Variants in GALM observed in about 807,000 individuals in gnomAD.
GALM encodes galactose mutarotase.
Under a neutral mutation model 37.4 loss-of-function variants are expected in GALM, and 43 were observed. That is an observed-to-expected ratio of 1.15 (90% CI 0.90 to 1.48). The LOEUF is 1.48. Ranked by LOEUF, GALM falls within the 40% of genes most tolerant of loss-of-function variation. GALM has a pLI of 0.00. For synonymous variants in GALM, 199 were observed against 170.6 expected (o/e 1.17, Z -1.30); for missense variants, 456 against 419.1 (o/e 1.09, Z -0.77).
At chr2:38,721,154 T>G (rs138442586) in intron 4 of GALM, among the ~76,000 whole-genome samples, 1 of 152,218 alleles carries the variant, frequency 6.6e-6, no homozygotes, top group Non-Finnish European at 1.5e-5. Context: ...GAATCTCTTA[T>G]GTAAGACAAG....
chr2:38,675,123 C>T (rs553140592), intron 1 of GALM, among the ~76,000 whole-genome samples: 3 of 151,906 alleles, frequency 2.0e-5, no homozygotes, highest in African/African-American at 7.3e-5. Context: ...TGCAGTTAGC[C>T]GAGATGGGGC....
At chr2:38,692,907 G>T (rs771447583) in intron 4 of GALM, among the ~76,000 whole-genome samples, 3 of 152,190 alleles carry the variant, frequency 2.0e-5, no homozygotes, top group Non-Finnish European at 4.4e-5. Flanking sequence ...GACTAGCCCA[G>T]GGAAGTGCTG....
At chr2:38,699,645 C>T (rs1430724716) in intron 4 of GALM, among the ~76,000 whole-genome samples, 2 of 151,988 alleles carry the variant, frequency 1.3e-5, no homozygotes, top group African/African-American at 4.8e-5. Flanking sequence ...TAGCAAGAAC[C>T]ATCTTAAAAA....
chr2:38,674,846 G>A (rs1330927374), intron 1 of GALM, among the ~76,000 whole-genome samples: 1 of 152,160 alleles, frequency 6.6e-6, no homozygotes, highest in African/African-American at 2.4e-5. Context: ...ACTTTGGATT[G>A]AAAATAGGTG....
At chr2:38,713,950 T>G (rs1326260210) in intron 4 of GALM, among the ~76,000 whole-genome samples, 1 of 151,958 alleles carries the variant, frequency 6.6e-6, no homozygotes, top group African/African-American at 2.4e-5. Context: ...TAGGACAATT[T>G]ATTTGAGTTC....
intron 5 of GALM, among the ~76,000 whole-genome samples, chr2:38,731,186 C>T (rs909755485): frequency 1.2e-4 from 19 of 152,052 alleles, no homozygotes; most frequent in African/African-American, 4.3e-4. Flanking sequence ...AAGATCGCAC[C>T]ACTGCACTCC....
intron 4 of GALM, among the ~76,000 whole-genome samples, chr2:38,715,728 C>T (rs147605164): frequency 6.6e-4 from 101 of 152,294 alleles, no homozygotes; most frequent in South Asian, 1.9e-3. Flanking sequence ...CCACCGTGTC[C>T]GGCCTGCAAT....
At chr2:38,722,816 G>A (rs1054912811) in intron 4 of GALM, among the ~76,000 whole-genome samples, 4 of 152,158 alleles carry the variant, frequency 2.6e-5, no homozygotes, top group African/African-American at 9.7e-5. Context: ...GGTTGGGGGC[G>A]TAAGGGGCTG....
At chr2:38,677,260 T>TAGAGAAGAGCC (rs112771713) in intron 2 of GALM, among the ~76,000 whole-genome samples, 4 of 152,186 alleles carry the variant, frequency 2.6e-5, no homozygotes, top group African/African-American at 7.2e-5. Context: ...GGTTATTTGC[T>TAGAGAAGAGCC]AGAGAAGAGC....
At chr2:38,682,862 C>G (rs552118432) in intron 3 of GALM, among the ~76,000 whole-genome samples, 2 of 151,120 alleles carry the variant, frequency 1.3e-5, no homozygotes, top group South Asian at 4.2e-4. Flanking sequence ...CGCCATTGCA[C>G]TCCAGCCTGA....
chr2:38,708,608 G>A (rs1247824516), intron 4 of GALM, among the ~76,000 whole-genome samples: 3 of 152,052 alleles, frequency 2.0e-5, no homozygotes, highest in Non-Finnish European at 4.4e-5. Flanking sequence ...AGGTATGGTG[G>A]CGGGCGCCTG....
At chr2:38,682,339 G>T (rs1461090493) in intron 3 of GALM, 2 of 423,026 alleles carry the variant, frequency 4.7e-6, no homozygotes, top group African/African-American at 4.0e-5. Flanking sequence ...TTTATCTGAA[G>T]AACTCATCAT....
chr2:38,701,488 C>A lies in GALM; in HGVS notation c.634+11594C>A, dbSNP rs1401143822. 2.0e-5 allele frequency among the ~76,000 whole-genome samples: 3 copies of A among 152,024 alleles called. No homozygotes were observed. In the East Asian group the frequency reaches 5.8e-4, roughly 29 times the overall value. ...TCTTTTTTATTCTTATAAAATTTAC[C>A]CAATTCACTCTGTCCCCCAGCCCAT... is the stretch of plus-strand genomic sequence containing the variant. On this transcript the variant is annotated intron_variant, in intron 4 of 6. Coordinates refer to ENST00000272252, the MANE Select transcript of GALM (RefSeq NM_138801.3).
chr2:38,733,740 C>CA lies in GALM; in HGVS notation c.*176dup, dbSNP rs1474414115. The CA allele has an allele frequency of 9.8e-6, 6 of 612,872 alleles. No homozygotes were observed. The South Asian group carries it at 1.1e-4, about 11-fold the overall frequency. The allele number at this position is 612,872 out of a possible 1,614,324, so 38.0% of individuals were successfully genotyped here. A position where few individuals can be genotyped will look rare whatever the true frequency, so the allele number is the denominator to read the frequency against. ...GATTTCCTTTTCCAGTGACTGGCTC[C>CA]AGGCCATGTCTAATGACCAGCTCGA... On this transcript the variant is annotated 3_prime_UTR_variant, in exon 7 of 7. Coordinates refer to ENST00000272252, the MANE Select transcript of GALM (RefSeq NM_138801.3).
chr2:38,686,256 CTTTCTTTCTTTCTTTCTTTCTTA>C, intron 3 of GALM, among the ~76,000 whole-genome samples: 1 of 108,870 alleles, frequency 9.2e-6, no homozygotes, highest in Non-Finnish European at 1.8e-5. Flanking sequence ...TTCTTTCTTT[CTTTCTTTCTTTCTTTCTTTCTTA>C]TTTTGAGATG....
At chr2:38,721,272 G>A (rs1453924099) in intron 4 of GALM, among the ~76,000 whole-genome samples, 2 of 152,192 alleles carry the variant, frequency 1.3e-5, no homozygotes, top group Non-Finnish European at 2.9e-5. Flanking sequence ...AAAGAGGAAG[G>A]TTTAATATTT....
At position 38,729,625 on chromosome 2, in the gene GALM, A is replaced by G. The variant is rs1289253068; in HGVS notation, c.704A>G (p.Gln235Arg). ...RKPVELGKHLQDFHLNGFDHN... is the reference protein window; with the variant it reads ...RKPVELGKHLRDFHLNGFDHN... The stretch of plus-strand genomic sequence containing the variant: ...CCAGTGGAGCTTGGAAAACACCTGC[A>G]GGACTTCCATCTCAATGGTTTTGAC... The change falls in exon 5 of 7, where the codon CAG becomes CGG. Residue 235 changes from glutamine to arginine, a missense_variant. Gln to Arg is a conservative substitution (Grantham distance 43). Transcript: ENST00000272252. The G allele has an allele frequency of 5.0e-6, 8 of 1,613,290 alleles. No individual in the cohort carries two copies. The highest frequency in any genetic ancestry group is 5.9e-6 in the Non-Finnish European group (7 of 1,179,298).
chr2:38,671,023 G>A (rs1198122460), intron 1 of GALM, among the ~76,000 whole-genome samples: 3 of 152,120 alleles, frequency 2.0e-5, no homozygotes, highest in Non-Finnish European at 4.4e-5. Context: ...GGAGTGGAAA[G>A]GGCCATATCC....
intron 3 of GALM, among the ~76,000 whole-genome samples, chr2:38,682,832 G>T (rs934403766): frequency 3.6e-4 from 55 of 151,838 alleles, no homozygotes; most frequent in African/African-American, 1.2e-3. Flanking sequence ...GAAGGCGGAG[G>T]TTGCAGTGAG....
Sources: gnomAD v4.1 joint callset for allele counts (sites outside exome capture counted in the v4.1 genomes callset) on GRCh38, gnomAD v4.1.1 for gene constraint, MANE v1.5 for transcripts, NCBI Gene and HGNC (gene_info 2026-07-23, HGNC 2026-07-21) for gene names.